Variants in HDAC2 observed in about 807,000 individuals in gnomAD.
HDAC2 encodes YY1-associated factor 1.
A neutral mutation model predicts 68.5 loss-of-function variants in HDAC2; 5 were observed. The observed-to-expected ratio is 0.07, with a 90% confidence interval of 0.04 to 0.15. The LOEUF (loss-of-function observed/expected upper bound fraction) is 0.15, where lower values mean the gene tolerates loss of function less well. Among genes scored for constraint, HDAC2 ranks in the 10% least tolerant of loss-of-function variants. The pLI, the probability that HDAC2 is intolerant of heterozygous loss-of-function variation, is 1.00. For missense variants in HDAC2, 291 were observed against 600.8 expected, an observed-to-expected ratio of 0.48 and a Z score of 5.39; for synonymous variants, 182 against 191.3, an observed-to-expected ratio of 0.95 and a Z score of 0.40.
chr6:113,934,405 G>T lies in HDAC2; in HGVS notation c.*6653C>A, dbSNP rs1582469744. On this transcript the variant is annotated 3_prime_UTR_variant, in exon 14 of 14. Transcript: ENST00000519065. The stretch of plus-strand genomic sequence containing the variant: ...TAAATGACTTGCCCAAAGCAAAGTT[G>T]TGTAATGTAAAGGCTGGTGCTAGAC... 6.6e-6 allele frequency: 1 copy of T among 152,314 alleles called. No individual in the cohort carries two copies. The highest frequency in any genetic ancestry group is 2.4e-5 in the African/African-American group (1 of 41,558). 9.4% of individuals were successfully genotyped at this position (152,314 alleles called of 1,614,324 possible).
chr6:113,956,350 T>C (rs1316604469), intron 4 of HDAC2, 199 bp from the exon 5 acceptor site: 1 of 567,688 alleles, frequency 1.8e-6, no homozygotes, highest in Non-Finnish European at 3.1e-6. Flanking sequence ...GATTAAATAA[T>C]GGTTTATGTG....
intron 2 of HDAC2, among the ~76,000 whole-genome samples, chr6:113,958,990 A>G (rs1042084389): frequency 6.6e-6 from 1 of 152,146 alleles, no homozygotes; most frequent in African/African-American, 2.4e-5. Flanking sequence ...CAGGCATATC[A>G]ACTATGATTT....
At chr6:113,960,513 T>A (rs937550028) in intron 1 of HDAC2, among the ~76,000 whole-genome samples, 3 of 152,078 alleles carry the variant, frequency 2.0e-5, no homozygotes, top group Non-Finnish European at 4.4e-5. Flanking sequence ...TTTTGGTAAC[T>A]GAAATTTAGG....
chr6:113,968,007 C>T (rs1776864179), intron 1 of HDAC2, among the ~76,000 whole-genome samples: 1 of 152,058 alleles, frequency 6.6e-6, no homozygotes. Flanking sequence ...GTTTCAGTGA[C>T]CTAAAGGGTT....
intron 13 of HDAC2, among the ~76,000 whole-genome samples, 199 bp from the exon 14 acceptor site, chr6:113,941,287 G>A (rs1776126591): frequency 6.6e-6 from 1 of 151,940 alleles, no homozygotes; most frequent in South Asian, 2.1e-4. Flanking sequence ...TGTAAAGGCT[G>A]GCACAAAATT....
At chr6:113,951,339 G>A (rs141744962) in intron 6 of HDAC2, among the ~76,000 whole-genome samples, 13 of 152,224 alleles carry the variant, frequency 8.5e-5, no homozygotes, top group African/African-American at 2.4e-4. Flanking sequence ...AAAGATACAC[G>A]TGAATTACAC....
rs1432967831 is a variant in HDAC2 at position 113,940,910 on chromosome 6, GA to G, written c.*147del. ...AAAAACTCACAATAAAACTTGCCAA[GA>G]AAAACAAAAACGAAAAAGCCATTTG... On this transcript the variant is annotated 3_prime_UTR_variant, in exon 14 of 14. Transcript: ENST00000519065. 7 of 545,866 alleles carry G rather than the reference GA, an allele frequency of 1.3e-5. No individual in the cohort carries two copies. In the East Asian group the frequency reaches 1.9e-4, roughly 15 times the overall value. 33.8% of individuals were successfully genotyped at this position (545,866 alleles called of 1,614,324 possible).
rs575016557 is a variant in HDAC2 at position 113,956,575 on chromosome 6, C to G, written c.358+44G>C. On this transcript the variant is annotated intron_variant, in intron 4 of 13. Transcript: ENST00000519065. ...CACAAATAACCCGAAAGATAACACA[C>G]CAAGTTCAGATCAACTTTTAAATCT... The G allele has an allele frequency of 2.0e-5, 27 of 1,322,944 alleles. No homozygotes were observed. In the East Asian group the frequency reaches 5.1e-4, roughly 25 times the overall value. The allele number at this position is 1,322,944 out of a possible 1,614,324, so 82.0% of individuals were successfully genotyped here. A position where few individuals can be genotyped will look rare whatever the true frequency, so the allele number is the denominator to read the frequency against.
chr6:113,946,371 G>T (rs1022888543), intron 8 of HDAC2: 2 of 353,246 alleles, frequency 5.7e-6, no homozygotes, highest in African/African-American at 4.2e-5. Flanking sequence ...AGCTATTTTA[G>T]CAGGTGTCCC....
intron 1 of HDAC2, chr6:113,970,513 A>T: frequency 8.5e-7 from 1 of 1,169,746 alleles, no homozygotes; most frequent in Non-Finnish European, 1.1e-6. Context: ...GGGAGAAGGG[A>T]GAGAATGGGC....
At chr6:113,965,868 C>A (rs1776802170) in intron 1 of HDAC2, among the ~76,000 whole-genome samples, 1 of 152,152 alleles carries the variant, frequency 6.6e-6, no homozygotes, top group Non-Finnish European at 1.5e-5. Context: ...ACAAAAAAAT[C>A]CTTAGACTTG....
At chr6:113,946,278 T>C in intron 8 of HDAC2, 130 bp from the exon 9 acceptor site, 1 of 651,168 alleles carries the variant, frequency 1.5e-6, no homozygotes, top group African/African-American at 1.8e-5. Flanking sequence ...TAAAAACAAA[T>C]AAAAATGTAA....
At chr6:113,961,279 C>T (rs1776677241) in intron 1 of HDAC2, among the ~76,000 whole-genome samples, 1 of 152,234 alleles carries the variant, frequency 6.6e-6, no homozygotes, top group South Asian at 2.1e-4. Context: ...ACCCCAAAAA[C>T]TTTTTTGTCC....
In HDAC2 at chr6:113,944,984, C is replaced by T. The variant is rs578137803; in HGVS notation, c.1091+378G>A. On this transcript the variant is annotated intron_variant, in intron 10 of 13. Transcript: ENST00000519065. ...AAAATGTTCCAGACAATGAAAATAA[C>T]TTATAGTGCACCTTGCAATTTTAAA... 7.9e-5 allele frequency among the ~76,000 whole-genome samples: 12 copies of T among 152,088 alleles called. No individual in the cohort carries two copies. In the South Asian group the frequency reaches 2.5e-3, roughly 32 times the overall value.
At position 113,949,183 on chromosome 6, in the gene HDAC2, C is replaced by A. The variant is rs1776339407; in HGVS notation, c.717G>T (p.Gly239=). 6.2e-7 allele frequency: 1 copy of A among 1,607,080 alleles called. No individual in the cohort carries two copies. The highest frequency in any genetic ancestry group is 8.5e-7 in the Non-Finnish European group (1 of 1,173,658). The part of the protein sequence containing the change: ...MRDGIDDESY[G]QIFKPIISKV... ...TAATACTTACAGGCTTAAATATCTG[C>A]CCATATGACTCATCATCTATACCAT... The change falls in exon 7 of 14, where the codon GGG becomes GGT. Residue 239 remains glycine, a synonymous_variant. Coordinates refer to ENST00000519065, the MANE Select transcript of HDAC2 (RefSeq NM_001527.4).
rs1252166000 is a variant in HDAC2, at chr6:113,933,344, T to G, written c.*7714A>C. On this transcript the variant is annotated 3_prime_UTR_variant, in exon 14 of 14. Transcript: ENST00000519065. ...AACATCAGACATGCCCACTGAGATA[T>G]TCTACAAGGCCAGAGGGTTAAGTGA... The G allele has an allele frequency of 2.0e-5, 3 of 152,190 alleles. No individual in the cohort carries two copies. The highest frequency in any genetic ancestry group is 4.4e-5 in the Non-Finnish European group (3 of 68,032). 9.4% of individuals were successfully genotyped at this position (152,190 alleles called of 1,614,324 possible).
At chr6:113,943,725 A>T (rs907352549) in intron 11 of HDAC2, among the ~76,000 whole-genome samples, 1 of 152,208 alleles carries the variant, frequency 6.6e-6, no homozygotes, top group Non-Finnish European at 1.5e-5. Flanking sequence ...ACATAATAAA[A>T]ATTGGGGGAA....
At chr6:113,944,530 G>C (rs1562140935) in intron 10 of HDAC2, 120 bp from the exon 11 acceptor site, 9 of 795,052 alleles carry the variant, frequency 1.1e-5, no homozygotes, top group Non-Finnish European at 1.8e-5. Context: ...TATATTAAAA[G>C]GTCTCTCTTT....
At chr6:113,946,911 A>G (rs982624027) in intron 8 of HDAC2, 1 of 152,110 alleles carries the variant, frequency 6.6e-6, no homozygotes, top group Non-Finnish European at 1.5e-5. Flanking sequence ...AAAAGGGACA[A>G]TGAAAAAACT....
Sources: allele counts gnomAD v4.1 joint callset (sites outside exome capture counted in the v4.1 genomes callset), GRCh38; gene constraint gnomAD v4.1.1; transcripts MANE v1.5; gene names NCBI Gene and HGNC (gene_info 2026-07-23, HGNC 2026-07-21).